Variants in METTL21C observed in about 807,000 individuals in gnomAD.
The protein encoded by METTL21C is methyltransferase 21C, AARS1 lysine.
In METTL21C, 21 loss-of-function variants were observed where a neutral mutation model predicts 25.9. That is an observed-to-expected ratio of 0.81 (90% CI 0.58 to 1.17). The LOEUF (loss-of-function observed/expected upper bound fraction) is 1.17, where lower values mean the gene tolerates loss of function less well. Ranked by LOEUF, METTL21C falls within the 50% of genes most tolerant of loss-of-function variation. METTL21C has a pLI of 0.00. For missense variants in METTL21C, 312 were observed against 315.1 expected (o/e 0.99, Z 0.07); for synonymous variants, 125 against 124.7 (o/e 1.00, Z -0.01).
upstream of METTL21C, among the ~76,000 whole-genome samples, chr13:102,697,236 C>T (rs536123357): frequency 2.7e-4 from 41 of 152,202 alleles, 1 homozygote; most frequent in South Asian, 8.3e-3. Flanking sequence ...TGGGCACTGC[C>T]TTTTTTCCTA....
chr13:102,686,994 T>C lies in METTL21C; in HGVS notation c.346A>G (p.Ile116Val). 6.2e-7 allele frequency: 1 copy of C among 1,614,160 alleles called. No individual in the cohort carries two copies. The highest frequency in any genetic ancestry group is 8.5e-7 in the Non-Finnish European group (1 of 1,179,998). ...AEELNFQDAK[I>V]LEIGAGPGLV... ...CCTGGTCCGGCACCAATTTCAAGTA[T>C]TTTTGCATCTTGGAAATTCAATTCC... Residue 116 changes from isoleucine (I) to valine (V), a missense_variant, in exon 3 of 4, where the codon ATA becomes GTA. Physicochemically the swap from Ile to Val is conservative, Grantham distance 29. Transcript: ENST00000267273.
rs111474584 is a variant in METTL21C, at chr13:102,694,873, TTC to T, written c.-377_-376del. On this transcript the variant is annotated 5_prime_UTR_variant, in exon 1 of 4. Coordinates refer to ENST00000267273, the MANE Select transcript of METTL21C (RefSeq NM_001010977.3). ...ATTACTTTGCTAGAATTCTCTCTCT[TTC>T]TCTCTCTCTCTCTCTCTCTCTCTCT... 0.024 allele frequency among the ~76,000 whole-genome samples: 3,030 copies of T among 128,102 alleles called. 61 individuals carry two copies. Among genetic ancestry groups the T allele is most frequent in the South Asian group, 0.078 (305 of 3,892 alleles). The allele number at this position is 128,102 out of a possible 152,430, so 84.0% of individuals were successfully genotyped here.
chr13:102,688,129 C>G (rs1885724482), intron 2 of METTL21C, among the ~76,000 whole-genome samples: 1 of 152,224 alleles, frequency 6.6e-6, no homozygotes, highest in Non-Finnish European at 1.5e-5. Flanking sequence ...TAGGCCCTAG[C>G]TAAAGATATG....
chr13:102,688,962 T>C (rs909926678), intron 2 of METTL21C, among the ~76,000 whole-genome samples: 1 of 152,236 alleles, frequency 6.6e-6, no homozygotes, highest in Non-Finnish European at 1.5e-5. Flanking sequence ...CTTCCCACTC[T>C]AGATGCCCTT....
upstream of METTL21C, among the ~76,000 whole-genome samples, chr13:102,695,923 T>C (rs1037993417): frequency 6.6e-6 from 1 of 152,232 alleles, no homozygotes; most frequent in Non-Finnish European, 1.5e-5. Flanking sequence ...AATATATGTG[T>C]GTATATTTAT....
At chr13:102,687,113 AACCCTTTCTGGC>A in intron 2 of METTL21C, 56 bp from the exon 3 acceptor site, 1 of 1,350,902 alleles carries the variant, frequency 7.4e-7, no homozygotes, top group Non-Finnish European at 1.1e-6. Context: ...AACCAGTAGC[AACCCTTTCTGGC>A]ACCCAAATTT....
At chr13:102,699,723 C>G (rs969850621), upstream of METTL21C, among the ~76,000 whole-genome samples, 3 of 152,198 alleles carry the variant, frequency 2.0e-5, no homozygotes, top group African/African-American at 7.2e-5. Flanking sequence ...TTCATAACTT[C>G]TGGTCCCTCA....
At chr13:102,687,805 A>G (rs1885715582) in intron 2 of METTL21C, among the ~76,000 whole-genome samples, 1 of 152,208 alleles carries the variant, frequency 6.6e-6, no homozygotes, top group South Asian at 2.1e-4. Flanking sequence ...AATGTTTTAT[A>G]TATCAACAAA....
chr13:102,686,491 A>T, intron 3 of METTL21C, 66 bp from the exon 4 acceptor site: 1 of 1,494,448 alleles, frequency 6.7e-7, no homozygotes, highest in Non-Finnish European at 9.0e-7. Flanking sequence ...ATACCCAGGG[A>T]GAAACACAAG....
the METTL21C span, among the ~76,000 whole-genome samples, chr13:102,703,644 T>G: frequency 2.6e-5 from 4 of 152,172 alleles, no homozygotes; most frequent in African/African-American, 9.7e-5. Flanking sequence ...ATCATCAGGG[T>G]TGGTGGAGGA....
Position 102,690,942 on chromosome 13 carries a change from A to G in METTL21C, c.153T>C (p.Ser51=). 6.2e-7 allele frequency: 1 copy of G among 1,614,134 alleles called. No individual in the cohort carries two copies. Among genetic ancestry groups the G allele is most frequent in the South Asian group, 1.1e-5 (1 of 91,058 alleles). Residue 51 remains serine, a synonymous_variant, in exon 2 of 4, where the codon TCT becomes TCC. Coordinates refer to ENST00000267273, the MANE Select transcript of METTL21C (RefSeq NM_001010977.3). Reference sequence around the variant, plus strand: ...GAACAAATTTCTGGAGGCTATGAAGAGATGGTTCTATCTTGTTGGATTCTG... The same window carrying G: ...GAACAAATTTCTGGAGGCTATGAAGGGATGGTTCTATCTTGTTGGATTCTG... ...VLEESNKIEP[S]LHSLQKFVPT... is the part of the protein sequence containing the mutation.
chr13:102,699,486 A>G (rs1885999625), upstream of METTL21C, among the ~76,000 whole-genome samples: 1 of 152,152 alleles, frequency 6.6e-6, no homozygotes. Flanking sequence ...TGATTTCCAC[A>G]TTGATCTTTC....
intron 1 of METTL21C, among the ~76,000 whole-genome samples, chr13:102,692,086 C>T (rs1454272179): frequency 6.6e-6 from 1 of 152,086 alleles, no homozygotes; most frequent in Non-Finnish European, 1.5e-5. Context: ...ACGAAACCTG[C>T]CTTTGTGGCC....
chr13:102,700,660 A>G, the METTL21C span, among the ~76,000 whole-genome samples: 1 of 152,232 alleles, frequency 6.6e-6, no homozygotes, highest in Admixed American at 6.5e-5. Context: ...TCTATTTTCC[A>G]CTTTAATAAA....
chr13:102,695,477 C>A (rs555914608), upstream of METTL21C, among the ~76,000 whole-genome samples: 1 of 152,180 alleles, frequency 6.6e-6, no homozygotes, highest in Non-Finnish European at 1.5e-5. Context: ...AAGCCTCAGA[C>A]AAATGGGAAT....
chr13:102,699,031 C>T (rs1487914276), upstream of METTL21C, among the ~76,000 whole-genome samples: 1 of 152,146 alleles, frequency 6.6e-6, no homozygotes, highest in Admixed American at 6.5e-5. Context: ...TGCTCTTAGT[C>T]TTAAGTTCAC....
upstream of METTL21C, among the ~76,000 whole-genome samples, chr13:102,698,812 T>C (rs984228263): frequency 1.3e-5 from 2 of 152,222 alleles, no homozygotes; most frequent in African/African-American, 4.8e-5. Flanking sequence ...GGCCTGTTAC[T>C]ACACAGTGGG....
chr13:102,692,887 C>T (rs1885866367), intron 1 of METTL21C, among the ~76,000 whole-genome samples: 1 of 151,924 alleles, frequency 6.6e-6, no homozygotes, highest in Admixed American at 6.5e-5. Flanking sequence ...TTTGGGAAGC[C>T]ACTGACATCT....
At chr13:102,690,761 G>A (rs1193581656) in intron 2 of METTL21C, 52 bp downstream of exon 2, 33 of 1,590,120 alleles carry the variant, frequency 2.1e-5, no homozygotes, top group Admixed American at 5.3e-5. Context: ...TCTGAAGTAC[G>A]GAATTGTTAT....
Sources: gnomAD v4.1 joint callset for allele counts (sites outside exome capture counted in the v4.1 genomes callset) on GRCh38, gnomAD v4.1.1 for gene constraint, MANE v1.5 for transcripts, NCBI Gene and HGNC (gene_info 2026-07-23, HGNC 2026-07-21) for gene names.